The following GOLPH3L variants were observed in gnomAD, a reference collection of about 807,000 sequenced individuals.
The protein encoded by GOLPH3L is Golgi phosphoprotein 3-like.
GOLPH3L carries 22 observed loss-of-function variants against 30.3 expected under a neutral mutation model. The ratio of observed to expected loss-of-function variants is 0.73; its 90% CI spans 0.52 to 1.04. GOLPH3L has a LOEUF of 1.04. GOLPH3L is among the 50% of genes least tolerant of loss of function. GOLPH3L has a pLI of 0.00. For missense variants in GOLPH3L, 303 were observed against 345.8 expected (o/e 0.88, Z 0.98); for synonymous variants, 120 against 128.2 (o/e 0.94, Z 0.43).
chr1:150,664,673 C>T (rs1650453339), intron 2 of GOLPH3L, among the ~76,000 whole-genome samples: 1 of 152,086 alleles, frequency 6.6e-6, no homozygotes, highest in Admixed American at 6.6e-5. Flanking sequence ...AAGCTGGTCT[C>T]AAACTCCTGA....
chr1:150,651,181 G>C (rs1436582076), intron 4 of GOLPH3L, among the ~76,000 whole-genome samples: 2 of 152,136 alleles, frequency 1.3e-5, no homozygotes, highest in Non-Finnish European at 2.9e-5. Context: ...GCCAGGTATG[G>C]TGGGCACCTG....
chr1:150,692,311 C>G (rs1324943870), intron 2 of GOLPH3L, among the ~76,000 whole-genome samples: 1 of 151,958 alleles, frequency 6.6e-6, no homozygotes, highest in African/African-American at 2.4e-5. Context: ...TCTTCCTGAG[C>G]CAAATGAAAG....
At chr1:150,679,074 C>G (rs1016929452) in intron 2 of GOLPH3L, among the ~76,000 whole-genome samples, 2 of 152,032 alleles carry the variant, frequency 1.3e-5, no homozygotes, top group African/African-American at 4.8e-5. Flanking sequence ...CTAAAACAAA[C>G]AGGAAAAACA....
chr1:150,693,300 C>CGAA (rs1201434834), intron 2 of GOLPH3L, among the ~76,000 whole-genome samples: 1 of 151,990 alleles, frequency 6.6e-6, no homozygotes, highest in Non-Finnish European at 1.5e-5. Context: ...ATTTCCAAGT[C>CGAA]GAAGAATTAT....
At chr1:150,673,097 T>C (rs908164018) in intron 2 of GOLPH3L, among the ~76,000 whole-genome samples, 2 of 152,192 alleles carry the variant, frequency 1.3e-5, no homozygotes, top group South Asian at 2.1e-4. Context: ...CTGGTCATCT[T>C]TGAATTCCCA....
At chr1:150,648,954 T>C (rs1235398642) in intron 4 of GOLPH3L, among the ~76,000 whole-genome samples, 2 of 152,206 alleles carry the variant, frequency 1.3e-5, no homozygotes, top group African/African-American at 4.8e-5. Context: ...ACCAAGGACT[T>C]CCATATTGCT....
At position 150,694,813 on chromosome 1, in the gene GOLPH3L, C is replaced by A. The variant is rs138591221; in HGVS notation, c.26G>T (p.Arg9Leu). Residue 9 changes from arginine to leucine, a missense_variant, in exon 2 of 5, where the codon CGT becomes CTT. Transcript: ENST00000271732. MTTLTHRARRTEISKNSEK... is the reference protein window; with the variant it reads MTTLTHRALRTEISKNSEK... ...AGAGTTCTTGCTTATTTCAGTGCGACGGGCCCGGTGAGTTAAAGTGGTCAT... is the reference window on the plus strand; with the variant it reads ...AGAGTTCTTGCTTATTTCAGTGCGAAGGGCCCGGTGAGTTAAAGTGGTCAT... 2.5e-6 allele frequency: 4 copies of A among 1,611,884 alleles called. No individual in the cohort carries two copies. Among genetic ancestry groups the A allele is most frequent in the Non-Finnish European group, 2.5e-6 (3 of 1,179,088 alleles).
Position 150,676,836 on chromosome 1 carries a change from G to A in GOLPH3L, c.184-13073C>T, listed in dbSNP as rs1367661238. Among the ~76,000 whole-genome samples, 3 of 151,848 alleles carry A rather than the reference G, an allele frequency of 2.0e-5. No homozygotes were observed. The South Asian group carries it at 6.2e-4, about 32-fold the overall frequency. ...TTTTTGTATTTTTAGTAGAGACTGG[G>A]TTTCACCATGTTGGCCAGGGTGGTC... is the stretch of plus-strand genomic sequence containing the variant. On this transcript the variant is annotated intron_variant, in intron 2 of 4. Transcript: ENST00000271732.
At chr1:150,671,267 G>A (rs587673695) in intron 2 of GOLPH3L, among the ~76,000 whole-genome samples, 20 of 151,562 alleles carry the variant, frequency 1.3e-4, no homozygotes, top group Admixed American at 7.2e-4. Flanking sequence ...AAGTAAAGAC[G>A]TATTCATTTG....
intron 2 of GOLPH3L, among the ~76,000 whole-genome samples, chr1:150,679,070 C>G (rs1260052537): frequency 6.6e-6 from 1 of 152,036 alleles, no homozygotes; most frequent in African/African-American, 2.4e-5. Context: ...TTTCCTAAAA[C>G]AAACAGGAAA....
Position 150,663,736 on chromosome 1 carries a change from T to C in GOLPH3L, c.211A>G (p.Ile71Val). ...EGYTSFWNDCISSGLRGGILI... is the reference protein window; with the variant it reads ...EGYTSFWNDCVSSGLRGGILI... ...ATGCCCCCTCGCAGGCCTGATGATA[T>C]GCAGTCATTCCAGAAAGATGTGTAC... The change falls in exon 3 of 5, where the codon ATA becomes GTA. Residue 71 changes from isoleucine to valine, a missense_variant. Ile to Val is a conservative substitution (Grantham distance 29). Transcript: ENST00000271732. 1 of 1,613,440 alleles carries C rather than the reference T, an allele frequency of 6.2e-7. No individual in the cohort carries two copies.
At chr1:150,653,184 A>G (rs921912030) in intron 4 of GOLPH3L, among the ~76,000 whole-genome samples, 1 of 151,128 alleles carries the variant, frequency 6.6e-6, no homozygotes, top group African/African-American at 2.4e-5. Flanking sequence ...ACAAAAAAAA[A>G]AAAAAAGAAA....
At chr1:150,650,329 G>A (rs1396173061) in intron 4 of GOLPH3L, among the ~76,000 whole-genome samples, 1 of 152,212 alleles carries the variant, frequency 6.6e-6, no homozygotes, top group African/African-American at 2.4e-5. Flanking sequence ...ATCAGAGGCT[G>A]CACACTACAA....
Position 150,696,572 on chromosome 1 carries a change from T to C in GOLPH3L, c.-13+420A>G, listed in dbSNP as rs940713848. Among the ~76,000 whole-genome samples, 10 of 152,150 alleles carry C rather than the reference T, an allele frequency of 6.6e-5. 1 individual carries two copies. Among genetic ancestry groups the C allele is most frequent in the Admixed American group, 4.6e-4 (7 of 15,264 alleles). ...ATTAAAATGAATACTCAGAAGTGCATGTGAACATTTAAAATAGAAATACAA... is the reference window on the plus strand; with the variant it reads ...ATTAAAATGAATACTCAGAAGTGCACGTGAACATTTAAAATAGAAATACAA... On this transcript the variant is annotated intron_variant, in intron 1 of 4. Transcript: ENST00000271732.
rs1650024896 is a variant in GOLPH3L, at chr1:150,648,155, G to C, written c.*166C>G. On this transcript the variant is annotated 3_prime_UTR_variant, in exon 5 of 5. Transcript: ENST00000271732. ...GGGAGAAATAAGGTCTGCTTATAAT[G>C]GTCAAGGTCTATGGAGAAGCCCTGA... 2 of 579,774 alleles carry C rather than the reference G, an allele frequency of 3.4e-6. No homozygotes were observed. The highest frequency in any genetic ancestry group is 6.1e-6 in the Non-Finnish European group (2 of 327,134). 35.9% of individuals were successfully genotyped at this position (579,774 alleles called of 1,614,324 possible).
At chr1:150,670,188 A>C (rs1186641137) in intron 2 of GOLPH3L, among the ~76,000 whole-genome samples, 1 of 147,114 alleles carries the variant, frequency 6.8e-6, no homozygotes, top group African/African-American at 2.5e-5. Context: ...CTTGAACCCC[A>C]GAGGTGGAGG....
intron 4 of GOLPH3L, among the ~76,000 whole-genome samples, chr1:150,658,233 G>T (rs1219284376): frequency 6.6e-6 from 1 of 152,228 alleles, no homozygotes; most frequent in Non-Finnish European, 1.5e-5. Flanking sequence ...CCTGAGGGCA[G>T]ATCAAGAAGC....
chr1:150,682,028 C>T (rs1284723580), intron 2 of GOLPH3L, among the ~76,000 whole-genome samples: 1 of 151,108 alleles, frequency 6.6e-6, no homozygotes, highest in Non-Finnish European at 1.5e-5. Context: ...GGTACCACGG[C>T]ACTCCAGCCT....
chr1:150,662,703 G>A (rs1402281909), intron 3 of GOLPH3L, among the ~76,000 whole-genome samples: 1 of 152,182 alleles, frequency 6.6e-6, no homozygotes, highest in East Asian at 1.9e-4. Flanking sequence ...TATAGTCAGA[G>A]AAGCAAGAGA....
Sources: gnomAD v4.1 joint callset for allele counts (sites outside exome capture counted in the v4.1 genomes callset) on GRCh38, gnomAD v4.1.1 for gene constraint, MANE v1.5 for transcripts, NCBI Gene and HGNC (gene_info 2026-07-23, HGNC 2026-07-21) for gene names.